Variants in SYTL1 observed in about 807,000 individuals in gnomAD.
SYTL1 encodes synaptotagmin-like protein 1.
SYTL1 carries 53 observed loss-of-function variants against 74.6 expected under a neutral mutation model. The ratio of observed to expected loss-of-function variants is 0.71; its 90% CI spans 0.57 to 0.89. The LOEUF is 0.89. Ranked by LOEUF, SYTL1 falls within the 40% of genes least tolerant of loss-of-function variation. The pLI, the probability that SYTL1 is intolerant of heterozygous loss-of-function variation, is 0.00. For missense variants in SYTL1, 728 were observed against 768.7 expected, an observed-to-expected ratio of 0.95 and a Z score of 0.63; for synonymous variants, 329 against 324.9, an observed-to-expected ratio of 1.01 and a Z score of -0.14.
chr1:27,353,556 C>T, intron 14 of SYTL1, 68 bp downstream of exon 14: 1 of 1,541,852 alleles, frequency 6.5e-7, no homozygotes, highest in South Asian at 1.2e-5. Context: ...CAGTGTGTGG[C>T]CCTGGATACC....
rs1369637444 is a variant in SYTL1 at position 27,353,790 on chromosome 1, C to T, written c.1627C>T (p.Gln543Ter). The T allele has an allele frequency of 6.2e-7, 1 of 1,614,060 alleles. No individual in the cohort carries two copies. Among genetic ancestry groups the T allele is most frequent in the Non-Finnish European group, 8.5e-7 (1 of 1,179,932 alleles). ...GCAGCTGTGGCAAGCCCTCCTGGAGCAGCCGTGCGAATGGGTGGATGGCCT... is the reference window on the plus strand; with the variant it reads ...GCAGCTGTGGCAAGCCCTCCTGGAGTAGCCGTGCGAATGGGTGGATGGCCT... ...EKQLWQALLEQPCEWVDGLLP... is the reference protein window; with the variant it reads ...EKQLWQALLE The change falls in exon 15 of 15, where the codon CAG (glutamine) becomes TAG (stop). Residue 543 changes from glutamine (Q) to a stop codon, truncating the protein, a stop_gained. Transcript: ENST00000616558. LOFTEE classifies it high-confidence loss of function.
In SYTL1 at chr1:27,347,785, C is replaced by T. The variant is rs1344099206; in HGVS notation, c.341-23C>T. 6.2e-7 allele frequency: 1 copy of T among 1,606,238 alleles called. No individual in the cohort carries two copies. The highest frequency in any genetic ancestry group is 1.3e-5 in the African/African-American group (1 of 74,716). ...CAGGCTTCCTGAGCATGGGGGCTCACAGAACTTCTCACCTGCGCCCAGGAG... is the reference window on the plus strand; with the variant it reads ...CAGGCTTCCTGAGCATGGGGGCTCATAGAACTTCTCACCTGCGCCCAGGAG... On this transcript the variant is annotated intron_variant, in intron 3 of 14. Coordinates refer to ENST00000616558, the MANE Select transcript of SYTL1 (RefSeq NM_001193308.2). The surrounding 1 kb of genome is among the most constrained non-coding windows in gnomAD (Gnocchi z 4.9).
At position 27,342,542 on chromosome 1, in the gene SYTL1, G is replaced by A. The variant is rs956701481; in HGVS notation, c.-39+392G>A. 1.3e-5 allele frequency among the ~76,000 whole-genome samples: 2 copies of A among 152,110 alleles called. No individual in the cohort carries two copies. The highest frequency in any genetic ancestry group is 4.8e-5 in the African/African-American group (2 of 41,392). ...CCACACTCAGACACACACACCTGGT[G>A]GCCCCCAAGGCACCAGGGGACACCC... is the stretch of plus-strand genomic sequence containing the variant. On this transcript the variant is annotated intron_variant, in intron 1 of 14. Transcript: ENST00000616558. The surrounding 1 kb of genome is among the most constrained non-coding windows in gnomAD (Gnocchi z 4.7).
At position 27,348,990 on chromosome 1, in the gene SYTL1, T is replaced by C. The variant is rs2015118507; in HGVS notation, c.460-90T>C. On this transcript the variant is annotated intron_variant, in intron 5 of 14. Transcript: ENST00000616558. The surrounding 1 kb of genome is among the most constrained non-coding windows in gnomAD (Gnocchi z 4.1). ...TAAACCTGAAACTGGGGTAGCTGGC[T>C]GGAGCCCTATGACCTCTGACCCCAA... 4 of 1,018,872 alleles carry C rather than the reference T, an allele frequency of 3.9e-6. No individual in the cohort carries two copies. The highest frequency in any genetic ancestry group is 5.9e-6 in the Non-Finnish European group (4 of 680,440). 63.1% of individuals were successfully genotyped at this position (1,018,872 alleles called of 1,614,324 possible). A position where few individuals can be genotyped will look rare whatever the true frequency, so the allele number is the denominator to read the frequency against.
chr1:27,342,903 G>A lies in SYTL1; in HGVS notation c.-39+753G>A, dbSNP rs1004590200. On this transcript the variant is annotated intron_variant, in intron 1 of 14. Coordinates refer to ENST00000616558, the MANE Select transcript of SYTL1 (RefSeq NM_001193308.2). The surrounding 1 kb of genome is among the most constrained non-coding windows in gnomAD (Gnocchi z 4.7). ...GGGGAGGCCGAACGTGGGCTCACAC[G>A]TTGGCCACAGAAGTCCAGGGAAACT... 2.6e-5 allele frequency among the ~76,000 whole-genome samples: 4 copies of A among 151,772 alleles called. No homozygotes were observed. The highest frequency in any genetic ancestry group is 7.3e-5 in the African/African-American group (3 of 41,030).
chr1:27,353,681 C>A, intron 14 of SYTL1, 32 bp from the exon 15 acceptor site: 1 of 1,602,040 alleles, frequency 6.2e-7, no homozygotes. Context: ...CCAGTGTGAT[C>A]ATGCCCTCAA....
Position 27,347,603 on chromosome 1 carries a change from G to A in SYTL1, c.340+34G>A. ...AGATCCTCGGGGCAGGGCAAGCCAT[G>A]TGCCGTCCAGGGCGCTGGCTGTATG... On this transcript the variant is annotated intron_variant, in intron 3 of 14. Coordinates refer to ENST00000616558, the MANE Select transcript of SYTL1 (RefSeq NM_001193308.2). The surrounding 1 kb of genome is among the most constrained non-coding windows in gnomAD (Gnocchi z 4.9). The A allele has an allele frequency of 6.2e-7, 1 of 1,609,304 alleles. No homozygotes were observed.
In SYTL1 at chr1:27,345,425, C is replaced by G. The variant is rs1557537417; in HGVS notation, c.91C>G (p.Leu31Val). 1.9e-6 allele frequency: 3 copies of G among 1,562,618 alleles called. No homozygotes were observed. The highest frequency in any genetic ancestry group is 1.7e-6 in the Non-Finnish European group (2 of 1,152,488). The stretch of plus-strand genomic sequence containing the variant: ...TGGGCCAAAGCCTGAGACTGAAGGA[C>G]TGTTGGACCTCAGCTTCCTGACAGA... ...AHGPKPETEG[L>V]LDLSFLTEEE... is the part of the protein sequence containing the mutation. Residue 31 changes from leucine (L) to valine (V), a missense_variant, in exon 2 of 15, where the codon CTG (leucine) becomes GTG (valine). Physicochemically the swap from Leu to Val is conservative, Grantham distance 32 (BLOSUM62 1). Transcript: ENST00000616558. The surrounding 1 kb of genome is among the most constrained non-coding windows in gnomAD (Gnocchi z 6.0).
chr1:27,345,709 G>A lies in SYTL1; in HGVS notation c.191+184G>A, dbSNP rs116777243. On this transcript the variant is annotated intron_variant, in intron 2 of 14. Transcript: ENST00000616558. This position sits in a 1 kb window ranked among gnomAD's most constrained non-coding sequence, Gnocchi z 6.0. ...CAGGGGTGACTGCACCAGCTTTCTCGCCAGCCTCCCTGCCTCCAGGCTTGC... is the reference window on the plus strand; with the variant it reads ...CAGGGGTGACTGCACCAGCTTTCTCACCAGCCTCCCTGCCTCCAGGCTTGC... Among the ~76,000 whole-genome samples, 4,849 of 151,822 alleles carry A rather than the reference G, an allele frequency of 0.032. 93 individuals carry two copies. Among genetic ancestry groups the A allele is most frequent in the South Asian group, 0.046 (220 of 4,806 alleles).
Position 27,347,556 on chromosome 1 carries a change from G to A in SYTL1, c.327G>A (p.Lys109=). The change falls in exon 3 of 15, where the codon AAG becomes AAA. Residue 109 remains lysine (K), a synonymous_variant. Transcript: ENST00000616558. The surrounding 1 kb of genome is among the most constrained non-coding windows in gnomAD (Gnocchi z 4.9). ...SDLVRASMRR[K]KSTRGDQAPG... is the part of the protein sequence containing the mutation. ...TTGTCCGAGCGTCTATGCGCAGGAA[G>A]AAGAGCACCAGGGGTGAGAGGAGAT... 6.2e-7 allele frequency: 1 copy of A among 1,614,038 alleles called. No homozygotes were observed. The highest frequency in any genetic ancestry group is 8.5e-7 in the Non-Finnish European group (1 of 1,180,020).
Position 27,350,553 on chromosome 1 carries a change from G to GACCACGAT in SYTL1, c.1005+68_1005+69insACCACGAT. On this transcript the variant is annotated intron_variant, in intron 10 of 14. Transcript: ENST00000616558. This position sits in a 1 kb window ranked among gnomAD's most constrained non-coding sequence, Gnocchi z 6.3. The stretch of plus-strand genomic sequence containing the variant: ...ACGCCCCCTTCCTGCGGGGCTAGGT[G>GACCACGAT]GCAAGGGCAGCCAGTAACGTCATTG... The GACCACGAT allele has an allele frequency of 7.3e-7, 1 of 1,361,720 alleles. No homozygotes were observed. The highest frequency in any genetic ancestry group is 1.0e-6 in the Non-Finnish European group (1 of 971,900). 84.4% of individuals were successfully genotyped at this position (1,361,720 alleles called of 1,614,324 possible). A position where few individuals can be genotyped will look rare whatever the true frequency, so the allele number is the denominator to read the frequency against.
In SYTL1 at chr1:27,349,000, T is replaced by A; in HGVS notation, c.460-80T>A. On this transcript the variant is annotated intron_variant, in intron 5 of 14. Transcript: ENST00000616558. This position sits in a 1 kb window ranked among gnomAD's most constrained non-coding sequence, Gnocchi z 4.1. Reference sequence around the variant, plus strand: ...ACTGGGGTAGCTGGCTGGAGCCCTATGACCTCTGACCCCAATATGACCTTT... The same window carrying A: ...ACTGGGGTAGCTGGCTGGAGCCCTAAGACCTCTGACCCCAATATGACCTTT... 8.8e-7 allele frequency: 1 copy of A among 1,131,666 alleles called. No homozygotes were observed. The highest frequency in any genetic ancestry group is 1.3e-6 in the Non-Finnish European group (1 of 772,678). The allele number at this position is 1,131,666 out of a possible 1,614,324, so 70.1% of individuals were successfully genotyped here.
intron 8 of SYTL1, 41 bp from the exon 9 acceptor site, chr1:27,349,931 C>G: frequency 6.4e-7 from 1 of 1,561,464 alleles, no homozygotes; most frequent in Non-Finnish European, 8.6e-7. Flanking sequence ...CCGACGTGAG[C>G]CCTGCGAGCG....
At chr1:27,349,174 G>T (rs954716999) in intron 6 of SYTL1, 22 bp downstream of exon 6, 1 of 1,610,162 alleles carries the variant, frequency 6.2e-7, no homozygotes, top group African/African-American at 1.3e-5. Context: ...CGCCTGTTGG[G>T]GAGCACGGAG....
At position 27,347,051 on chromosome 1, in the gene SYTL1, G is replaced by A. The variant is rs948720423; in HGVS notation, c.192-370G>A. On this transcript the variant is annotated intron_variant, in intron 2 of 14. Transcript: ENST00000616558. This position sits in a 1 kb window ranked among gnomAD's most constrained non-coding sequence, Gnocchi z 4.9. ...GTGGGAGGATCACTTGAGCCTGGAA[G>A]GTGAAGGTTGCAGTGAGCTGAGATT... is the stretch of plus-strand genomic sequence containing the variant. 6.6e-6 allele frequency among the ~76,000 whole-genome samples: 1 copy of A among 151,806 alleles called. No individual in the cohort carries two copies. The highest frequency in any genetic ancestry group is 2.4e-5 in the African/African-American group (1 of 41,300).
Position 27,349,764 on chromosome 1 carries a change from C to T in SYTL1, c.746C>T (p.Thr249Met). The T allele has an allele frequency of 6.3e-7, 1 of 1,596,340 alleles. No homozygotes were observed. The highest frequency in any genetic ancestry group is 8.5e-7 in the Non-Finnish European group (1 of 1,176,272). The part of the protein sequence containing the change: ...SSSVSSLNSS[T>M]LSGSQMSLSG... Reference sequence around the variant, plus strand: ...TCGGTGTCCAGCCTTAACTCCTCCACGGTGAGGCGGGAGGGAGGGGACCCG... The same window carrying T: ...TCGGTGTCCAGCCTTAACTCCTCCATGGTGAGGCGGGAGGGAGGGGACCCG... Residue 249 changes from threonine (T) to methionine (M), a missense_variant and splice_region_variant, in exon 8 of 15, where the codon ACG (threonine) becomes ATG (methionine). Transcript: ENST00000616558.
chr1:27,351,253 C>A lies in SYTL1; in HGVS notation c.1165-5C>A. 6.4e-7 allele frequency: 1 copy of A among 1,555,730 alleles called. No homozygotes were observed. The highest frequency in any genetic ancestry group is 8.7e-7 in the Non-Finnish European group (1 of 1,150,908). On this transcript the variant is annotated splice_polypyrimidine_tract_variant and splice_region_variant and intron_variant, in intron 11 of 14. Transcript: ENST00000616558. The surrounding 1 kb of genome is among the most constrained non-coding windows in gnomAD (Gnocchi z 5.0). Reference sequence around the variant, plus strand: ...CCTGCTCCACGATAAGCCCGCCTCTCGCAGGTCCCACCCTCTCCCGACGAC... The same window carrying A: ...CCTGCTCCACGATAAGCCCGCCTCTAGCAGGTCCCACCCTCTCCCGACGAC...
intron 2 of SYTL1, among the ~76,000 whole-genome samples, chr1:27,346,732 G>A (rs2015018961): frequency 6.6e-6 from 1 of 152,046 alleles, no homozygotes; most frequent in Non-Finnish European, 1.5e-5. Context: ...CTGCACTCCA[G>A]CCCGGGCAAC....
rs1351187268 is a variant in SYTL1 at position 27,348,824 on chromosome 1, G to A, written c.460-256G>A. On this transcript the variant is annotated intron_variant, in intron 5 of 14. Transcript: ENST00000616558. The surrounding 1 kb of genome is among the most constrained non-coding windows in gnomAD (Gnocchi z 4.1). ...AAAGGAATGGGACTGGCCTGGCCTG[G>A]CAGAGGTGGAGGACTCAGGTACGAA... 6.6e-6 allele frequency among the ~76,000 whole-genome samples: 1 copy of A among 152,226 alleles called. No individual in the cohort carries two copies. The highest frequency in any genetic ancestry group is 2.4e-5 in the African/African-American group (1 of 41,464).
Sources: gnomAD v4.1 joint callset for allele counts (sites outside exome capture counted in the v4.1 genomes callset) on GRCh38, gnomAD v4.1.1 for gene constraint, Gnocchi (gnomAD v3.1) non-coding constraint, MANE v1.5 for transcripts, NCBI Gene and HGNC (gene_info 2026-07-23, HGNC 2026-07-21) for gene names.